The following GYG1 variants were observed in gnomAD, a reference collection of about 807,000 sequenced individuals.
The protein encoded by GYG1 is glycogenin 1, also known as glycogenin-1.
Under a neutral mutation model 41.9 loss-of-function variants are expected in GYG1, and 44 were observed. The observed-to-expected ratio is 1.05, with a 90% CI of 0.83 to 1.35. The LOEUF (loss-of-function observed/expected upper bound fraction) is 1.35. GYG1 is among the 40% of genes most tolerant of loss of function. GYG1 has a pLI of 0.00. For synonymous variants in GYG1, 141 were observed against 158.1 expected (o/e 0.89, Z 0.81); for missense variants, 429 against 418.9 (o/e 1.02, Z -0.21).
intron 5 of GYG1, among the ~76,000 whole-genome samples, chr3:149,013,466 C>T (rs1187537145): frequency 6.6e-6 from 1 of 152,174 alleles, no homozygotes; most frequent in Non-Finnish European, 1.5e-5. Context: ...TTCTTCAAAC[C>T]ACTACATAAA....
intron 7 of GYG1, 41 bp from the exon 8 acceptor site, chr3:149,026,715 TTTGA>T (rs1450698946): frequency 2.2e-6 from 3 of 1,388,284 alleles, no homozygotes; most frequent in Admixed American, 1.7e-5. Flanking sequence ...TTTAAAACAG[TTTGA>T]TTTTCAGCTC....
At chr3:149,018,187 C>G (rs887781261) in intron 5 of GYG1, among the ~76,000 whole-genome samples, 1 of 151,988 alleles carries the variant, frequency 6.6e-6, no homozygotes, top group Non-Finnish European at 1.5e-5. Flanking sequence ...TCTCAGAGAA[C>G]GTAATTGAGA....
rs1404071951 is a variant in GYG1 at position 149,031,422 on chromosome 3, CTATT to C, written c.*4493_*4496del. On this transcript the variant is annotated 3_prime_UTR_variant, in exon 8 of 8. Coordinates refer to ENST00000345003, the MANE Select transcript of GYG1 (RefSeq NM_004130.4). The stretch of plus-strand genomic sequence containing the variant: ...AAAAAGCTACATAAATAAAAATTAT[CTATT>C]TATAGAAATATCTATTTAGCAGTTC... 1.3e-5 allele frequency: 2 copies of C among 152,494 alleles called. No homozygotes were observed. The highest frequency in any genetic ancestry group is 4.8e-5 in the African/African-American group (2 of 41,484). The allele number at this position is 152,494 out of a possible 1,614,324, so 9.4% of individuals were successfully genotyped here. A position where few individuals can be genotyped will look rare whatever the true frequency, so the allele number is the denominator to read the frequency against.
chr3:149,000,948 G>A (rs114265762), intron 4 of GYG1: 1 of 152,176 alleles, frequency 6.6e-6, no homozygotes, highest in African/African-American at 2.4e-5. Context: ...AGTCCCATAA[G>A]CAGAGTACAG....
At chr3:149,004,631 A>G (rs985610617) in intron 4 of GYG1, among the ~76,000 whole-genome samples, 2 of 152,226 alleles carry the variant, frequency 1.3e-5, no homozygotes, top group African/African-American at 4.8e-5. Context: ...TTAATCCACA[A>G]TTTTGGACTA....
At position 149,027,661 on chromosome 3, in the gene GYG1, T is replaced by C. The variant is rs1483265897; in HGVS notation, c.*728T>C. 1 of 152,302 alleles carries C rather than the reference T, an allele frequency of 6.6e-6. No individual in the cohort carries two copies. Among genetic ancestry groups the C allele is most frequent in the Non-Finnish European group, 1.5e-5 (1 of 68,034 alleles). 9.4% of individuals were successfully genotyped at this position (152,302 alleles called of 1,614,324 possible). A position where few individuals can be genotyped will look rare whatever the true frequency, so the allele number is the denominator to read the frequency against. On this transcript the variant is annotated 3_prime_UTR_variant, in exon 8 of 8. Coordinates refer to ENST00000345003, the MANE Select transcript of GYG1 (RefSeq NM_004130.4). The stretch of plus-strand genomic sequence containing the variant: ...TGGTTGTTTAATTAAATTAAGGAAT[T>C]TCACCATACACCCTTGAACAAATCT...
At chr3:149,022,255 CT>C (rs1319952684) in intron 5 of GYG1, among the ~76,000 whole-genome samples, 1 of 152,066 alleles carries the variant, frequency 6.6e-6, no homozygotes, top group African/African-American at 2.4e-5. Context: ...TTTACTCCTA[CT>C]TTTTTAAAGA....
chr3:149,015,649 T>C (rs981665474), intron 5 of GYG1, among the ~76,000 whole-genome samples: 2 of 152,120 alleles, frequency 1.3e-5, no homozygotes, highest in African/African-American at 4.8e-5. Flanking sequence ...AGAGGACGTC[T>C]GGTGGAGTGG....
chr3:148,994,270 T>A lies in GYG1; in HGVS notation c.136T>A (p.Ser46Thr). 6.8e-6 allele frequency: 11 copies of A among 1,614,002 alleles called. No individual in the cohort carries two copies. Among genetic ancestry groups the A allele is most frequent in the Non-Finnish European group, 8.5e-6 (10 of 1,179,886 alleles). The change falls in exon 2 of 8, where the codon TCC becomes ACC. Residue 46 changes from serine (S) to threonine (T), a missense_variant. Physicochemically the swap from Ser to Thr is moderately conservative, Grantham distance 58. Coordinates refer to ENST00000345003, the MANE Select transcript of GYG1 (RefSeq NM_004130.4). ...GCTCGCCACCCCTCAGGTCTCAGACTCCATGAGGTGAGGACCTCGCTGCCA... is the reference window on the plus strand; with the variant it reads ...GCTCGCCACCCCTCAGGTCTCAGACACCATGAGGTGAGGACCTCGCTGCCA... ...VVLATPQVSD[S>T]MRKVLETVFD...
intron 4 of GYG1, among the ~76,000 whole-genome samples, chr3:148,999,394 T>C (rs755475975): frequency 9.9e-5 from 15 of 152,238 alleles, no homozygotes; most frequent in Non-Finnish European, 2.1e-4. Context: ...TGAGAACTTA[T>C]GGTTCTCAAT....
rs747131744 is a variant in GYG1, at chr3:149,026,882, A to C, written c.1002A>C (p.Gly334=). ...AACAGGGCCAGGCTGATTATATGGG[A>C]GCAGATTCCTTTGACAACATCAAGA... ...RWEQGQADYM[G]ADSFDNIKRK... Residue 334 remains glycine (G), a synonymous_variant, in exon 8 of 8, where the codon GGA becomes GGC. Transcript: ENST00000345003. 35 of 1,613,730 alleles carry C rather than the reference A, an allele frequency of 2.2e-5. No individual in the cohort carries two copies. The highest frequency in any genetic ancestry group is 2.7e-5 in the Non-Finnish European group (32 of 1,179,734).
intron 5 of GYG1, among the ~76,000 whole-genome samples, chr3:149,013,387 A>C (rs1281862114): frequency 6.6e-6 from 1 of 152,214 alleles, no homozygotes; most frequent in South Asian, 2.1e-4. Flanking sequence ...TCCACTGACT[A>C]AACGCTCTCT....
Position 149,023,293 on chromosome 3 carries a change from G to T in GYG1, c.609-760G>T, listed in dbSNP as rs545137854. On this transcript the variant is annotated intron_variant, in intron 5 of 7. Transcript: ENST00000345003. ...GACATGTCCAACATCAGGTGGGAAA[G>T]TGTCCTCCCCCTGAGGAGGCTGGGA... is the stretch of plus-strand genomic sequence containing the variant. Among the ~76,000 whole-genome samples the T allele has an allele frequency of 2.6e-5, 4 of 152,326 alleles. No individual in the cohort carries two copies. In the East Asian group the frequency reaches 7.7e-4, roughly 29 times the overall value.
intron 5 of GYG1, among the ~76,000 whole-genome samples, chr3:149,016,139 T>C (rs1473595389): frequency 1.3e-5 from 2 of 151,750 alleles, no homozygotes; most frequent in Non-Finnish European, 2.9e-5. Context: ...CGGGCGCCTG[T>C]TGTCCCAGCT....
intron 5 of GYG1, among the ~76,000 whole-genome samples, chr3:149,020,004 G>C (rs979148595): frequency 3.9e-5 from 6 of 152,208 alleles, no homozygotes; most frequent in African/African-American, 1.4e-4. Flanking sequence ...CCCTTCCTCT[G>C]CATGAGCTCT....
At chr3:149,022,498 C>CTTTTTTTT (rs71617495) in intron 5 of GYG1, among the ~76,000 whole-genome samples, 4,628 of 69,336 alleles carry the variant, frequency 0.067, 987 homozygotes, top group Middle Eastern at 0.18. Context: ...CTTGTTTTGC[C>CTTTTTTTT]TTTTTTTTTT....
At chr3:149,020,196 A>G (rs1346974114) in intron 5 of GYG1, among the ~76,000 whole-genome samples, 4 of 152,202 alleles carry the variant, frequency 2.6e-5, no homozygotes, top group African/African-American at 9.7e-5. Context: ...CTTGAATGCT[A>G]AGTTGCTTAC....
chr3:149,026,449 CA>C lies in GYG1; in HGVS notation c.829-2del, dbSNP rs774191152. ...CTTACACTTTCTAATGAACTGTTTGCAGCTTTCAGACTTGGTCTATACACTG... is the reference window on the plus strand; with the variant it reads ...CTTACACTTTCTAATGAACTGTTTGCGCTTTCAGACTTGGTCTATACACTG... On this transcript the variant is annotated splice_acceptor_variant, in intron 6 of 7. Coordinates refer to ENST00000345003, the MANE Select transcript of GYG1 (RefSeq NM_004130.4). LOFTEE classifies it high-confidence loss of function. 31 of 1,588,622 alleles carry C rather than the reference CA, an allele frequency of 2.0e-5. No homozygotes were observed. The South Asian group carries it at 3.4e-4, about 18-fold the overall frequency.
intron 4 of GYG1, among the ~76,000 whole-genome samples, chr3:149,004,978 T>C (rs1713309526): frequency 6.6e-6 from 1 of 152,218 alleles, no homozygotes; most frequent in Admixed American, 6.5e-5. Context: ...CCCAGGCTCA[T>C]GCAGGTCGGA....
Sources: allele counts gnomAD v4.1 joint callset (sites outside exome capture counted in the v4.1 genomes callset), GRCh38; gene constraint gnomAD v4.1.1; transcripts MANE v1.5; gene names NCBI Gene and HGNC (gene_info 2026-07-23, HGNC 2026-07-21).